RAB19: variants seen among roughly 807,000 people sequenced by gnomAD.
The protein encoded by RAB19 is RAB19, member RAS oncogene family, also known as ras-related protein Rab-19.
Under a neutral mutation model 17.3 loss-of-function variants are expected in RAB19, and 21 were observed. The ratio of observed to expected loss-of-function variants is 1.21; its 90% CI spans 0.86 to 1.74. RAB19 has a LOEUF of 1.74. RAB19 is among the 40% of genes most tolerant of loss of function. The pLI, the probability that RAB19 is intolerant of heterozygous loss-of-function variation, is 0.00. For missense variants in RAB19, 277 were observed against 286.8 expected (o/e 0.97, Z 0.25); for synonymous variants, 126 against 110.4 (o/e 1.14, Z -0.88).
chr7:140,406,248 C>CAAAAA (rs56928355), intron 1 of RAB19, among the ~76,000 whole-genome samples: 2 of 80,940 alleles, frequency 2.5e-5, no homozygotes, highest in Admixed American at 1.6e-4. Context: ...AACTCTGTCT[C>CAAAAA]AAAAAAAAAA....
rs1232221096 is a variant in RAB19, at chr7:140,412,449, CG to C, written c.385+398del. Among the ~76,000 whole-genome samples, 44 of 151,228 alleles carry C rather than the reference CG, an allele frequency of 2.9e-4. No individual in the cohort carries two copies. In the Middle Eastern group the frequency reaches 0.01, roughly 35 times the overall value. On this transcript the variant is annotated intron_variant, in intron 3 of 3. Coordinates refer to ENST00000537763, the MANE Select transcript of RAB19 (RefSeq NM_001008749.3). ...CCCGGGTGACAGAGCAACACTCCGT[CG>C]GGGGGAAAAAAAATGTGTAAGTGAT...
chr7:140,418,716 G>A (rs1470956215), intron 3 of RAB19, among the ~76,000 whole-genome samples: 1 of 151,906 alleles, frequency 6.6e-6, no homozygotes, highest in African/African-American at 2.4e-5. Flanking sequence ...CAAATTAGCT[G>A]GGTATGATGG....
At chr7:140,416,560 T>C (rs1799461198) in intron 3 of RAB19, among the ~76,000 whole-genome samples, 1 of 152,152 alleles carries the variant, frequency 6.6e-6, no homozygotes, top group South Asian at 2.1e-4. Context: ...CATTCTTGTC[T>C]GGCCATTTAA....
At chr7:140,423,459 A>G (rs1232579541) in intron 3 of RAB19, among the ~76,000 whole-genome samples, 4 of 151,980 alleles carry the variant, frequency 2.6e-5, no homozygotes, top group Non-Finnish European at 5.9e-5. Flanking sequence ...AAAAACACAA[A>G]TGTTGGTCCA....
chr7:140,418,371 G>A (rs1323435801), intron 3 of RAB19, among the ~76,000 whole-genome samples: 2 of 127,054 alleles, frequency 1.6e-5, no homozygotes, highest in South Asian at 2.5e-4. Context: ...GGGCAACATG[G>A]TGAAACCCCG....
At chr7:140,414,374 C>A (rs533251403) in intron 3 of RAB19, among the ~76,000 whole-genome samples, 4 of 152,240 alleles carry the variant, frequency 2.6e-5, no homozygotes, top group Non-Finnish European at 4.4e-5. Flanking sequence ...AGCGACCTGT[C>A]TCCAGCCCAC....
rs577785939 is a variant in RAB19, at chr7:140,416,234, G to A, written c.385+4177G>A. Among the ~76,000 whole-genome samples, 4 of 151,078 alleles carry A rather than the reference G, an allele frequency of 2.6e-5. No homozygotes were observed. In the South Asian group the frequency reaches 8.4e-4, roughly 32 times the overall value. On this transcript the variant is annotated intron_variant, in intron 3 of 3. Transcript: ENST00000537763. ...TCCCAGCTACTCAGAAGGCTGAGGCGGGAGAGTCGCTTGAACCCAGGAGGT... is the reference window on the plus strand; with the variant it reads ...TCCCAGCTACTCAGAAGGCTGAGGCAGGAGAGTCGCTTGAACCCAGGAGGT...
chr7:140,418,750 G>T (rs1019527338), intron 3 of RAB19, among the ~76,000 whole-genome samples: 1 of 151,422 alleles, frequency 6.6e-6, no homozygotes, highest in East Asian at 2.0e-4. Flanking sequence ...TCCCAGCTAC[G>T]CAGGAGGCTG....
chr7:140,421,082 G>A (rs1563074367), intron 3 of RAB19, among the ~76,000 whole-genome samples: 1 of 151,856 alleles, frequency 6.6e-6, no homozygotes, highest in South Asian at 2.1e-4. Flanking sequence ...TAATAGAGAC[G>A]GGGTTTCACC....
At chr7:140,411,352 A>G (rs1799357825) in intron 2 of RAB19, among the ~76,000 whole-genome samples, 1 of 152,130 alleles carries the variant, frequency 6.6e-6, no homozygotes, top group East Asian at 1.9e-4. Flanking sequence ...GTAAGCTGAG[A>G]TGGCGCCACT....
rs144742780 is a variant in RAB19, at chr7:140,419,640, T to C, written c.386-6242T>C. Among the ~76,000 whole-genome samples, 8 of 152,346 alleles carry C rather than the reference T, an allele frequency of 5.3e-5. No individual in the cohort carries two copies. In the East Asian group the frequency reaches 1.4e-3, roughly 26 times the overall value. On this transcript the variant is annotated intron_variant, in intron 3 of 3. Coordinates refer to ENST00000537763, the MANE Select transcript of RAB19 (RefSeq NM_001008749.3). Reference sequence around the variant, plus strand: ...TCTGGTATATGTTTATTGATGCCGATGGGCACACATCTCTGTTGAGTAATA... The same window carrying C: ...TCTGGTATATGTTTATTGATGCCGACGGGCACACATCTCTGTTGAGTAATA...
At chr7:140,416,306 C>G (rs1395452711) in intron 3 of RAB19, among the ~76,000 whole-genome samples, 1 of 151,976 alleles carries the variant, frequency 6.6e-6, no homozygotes, top group African/African-American at 2.4e-5. Context: ...CCAGCCTGAG[C>G]AACAAGAACA....
At chr7:140,417,274 C>T (rs1336579780) in intron 3 of RAB19, among the ~76,000 whole-genome samples, 3 of 150,744 alleles carry the variant, frequency 2.0e-5, no homozygotes, top group East Asian at 3.9e-4. Context: ...CAGTGGTGTA[C>T]GCCTATAGTC....
intron 2 of RAB19, 142 bp from the exon 3 acceptor site, chr7:140,411,732 C>T (rs897988117): frequency 1.3e-6 from 2 of 1,526,612 alleles, no homozygotes; most frequent in African/African-American, 1.4e-5. Flanking sequence ...GAATAGATCC[C>T]TGGGTCCCAC....
intron 1 of RAB19, among the ~76,000 whole-genome samples, chr7:140,404,893 T>C (rs995909204): frequency 6.6e-6 from 1 of 152,166 alleles, no homozygotes; most frequent in Non-Finnish European, 1.5e-5. Flanking sequence ...ATGTGATGTG[T>C]CTTGGCAGAG....
chr7:140,412,345 G>A (rs181613935), intron 3 of RAB19, among the ~76,000 whole-genome samples: 87 of 152,080 alleles, frequency 5.7e-4, no homozygotes, highest in Non-Finnish European at 1.0e-3. Context: ...CCAGCTACTC[G>A]GGAGGCTGAG....
chr7:140,411,086 C>G, intron 2 of RAB19: 2 of 1,367,740 alleles, frequency 1.5e-6, no homozygotes, highest in Non-Finnish European at 2.0e-6. Context: ...GCAAAGAACA[C>G]AAGACCCCAG....
chr7:140,407,969 A>AT, intron 2 of RAB19, 122 bp downstream of exon 2: 2 of 774,714 alleles, frequency 2.6e-6, no homozygotes, highest in Non-Finnish European at 3.9e-6. Flanking sequence ...GGTTCATGCC[A>AT]TTCTCCTGCC....
In RAB19 at chr7:140,427,181, G is replaced by C. The variant is rs1455944318; in HGVS notation, c.*1031G>C. 8.5e-6 allele frequency among the ~76,000 whole-genome samples: 1 copy of C among 117,844 alleles called. No homozygotes were observed. The highest frequency in any genetic ancestry group is 3.3e-5 in the African/African-American group (1 of 30,074). 77.3% of individuals were successfully genotyped at this position (117,844 alleles called of 152,430 possible). On this transcript the variant is annotated 3_prime_UTR_variant, in exon 4 of 4. Transcript: ENST00000537763. ...TTTTTTTGAGACTGAGTCTCACTCTGTCACTCAGGCTGGAATGCAGTGGCA... is the reference window on the plus strand; with the variant it reads ...TTTTTTTGAGACTGAGTCTCACTCTCTCACTCAGGCTGGAATGCAGTGGCA...
Sources: gnomAD v4.1 joint callset for allele counts (sites outside exome capture counted in the v4.1 genomes callset) on GRCh38, gnomAD v4.1.1 for gene constraint, MANE v1.5 for transcripts, NCBI Gene and HGNC (gene_info 2026-07-23, HGNC 2026-07-21) for gene names.